RFX3: variants seen among roughly 807,000 people sequenced by gnomAD.
RFX3 encodes the protein regulatory factor X3, also known as transcription factor RFX3.
RFX3 carries 14 observed loss-of-function variants against 98.6 expected under a neutral mutation model. The observed-to-expected ratio is 0.14, with a 90% confidence interval of 0.09 to 0.22. The LOEUF is 0.22. Among genes scored for constraint, RFX3 ranks in the 10% least tolerant of loss-of-function variants. RFX3 has a pLI of 1.00. For synonymous variants in RFX3, 383 were observed against 328.4 expected (o/e 1.17, Z -1.80); for missense variants, 639 against 926.9 (o/e 0.69, Z 4.03).
intron 15 of RFX3, among the ~76,000 whole-genome samples, chr9:3,241,745 G>C (rs1016852823): frequency 1.3e-5 from 2 of 152,212 alleles, no homozygotes; most frequent in Non-Finnish European, 2.9e-5. Flanking sequence ...CAGGATGGGT[G>C]TACAGGAGCT....
At chr9:3,426,484 G>A (rs1844044219) in intron 1 of RFX3, among the ~76,000 whole-genome samples, 1 of 152,122 alleles carries the variant, frequency 6.6e-6, no homozygotes, top group Admixed American at 6.5e-5. Context: ...TCCATGGACT[G>A]TTAGGAAACA....
chr9:3,367,751 A>T (rs193290709), intron 2 of RFX3, among the ~76,000 whole-genome samples: 74 of 152,334 alleles, frequency 4.9e-4, no homozygotes, highest in African/African-American at 1.7e-3. Flanking sequence ...CTAAATCCTT[A>T]ATTTCCTGCT....
chr9:3,340,578 C>T (rs1350279523), intron 3 of RFX3, among the ~76,000 whole-genome samples: 1 of 152,100 alleles, frequency 6.6e-6, no homozygotes, highest in Non-Finnish European at 1.5e-5. Flanking sequence ...ACAACCCCAT[C>T]AAAAAGTGGG....
chr9:3,475,032 T>C (rs1849107119), intron 1 of RFX3, among the ~76,000 whole-genome samples: 1 of 149,024 alleles, frequency 6.7e-6, no homozygotes, highest in South Asian at 2.1e-4. Context: ...CCAGGTGATC[T>C]AGGCTGCAGT....
At chr9:3,414,531 G>A (rs1587580028) in intron 1 of RFX3, among the ~76,000 whole-genome samples, 2 of 150,016 alleles carry the variant, frequency 1.3e-5, no homozygotes, top group African/African-American at 2.4e-5. Flanking sequence ...ATATGTGTGT[G>A]TGTGTATATA....
In RFX3 at chr9:3,395,413, G is replaced by C; in HGVS notation, c.117+59C>G. On this transcript the variant is annotated intron_variant, in intron 2 of 16. Transcript: ENST00000617270. ...TCAAATAATTTTTGGATACAGGTATGTTGGACAGCCAACATAATGAAAGTA... is the reference window on the plus strand; with the variant it reads ...TCAAATAATTTTTGGATACAGGTATCTTGGACAGCCAACATAATGAAAGTA... 5 of 1,591,586 alleles carry C rather than the reference G, an allele frequency of 3.1e-6. No individual in the cohort carries two copies. The South Asian group carries it at 5.5e-5, about 18-fold the overall frequency.
intron 16 of RFX3, among the ~76,000 whole-genome samples, chr9:3,228,641 T>C (rs554425079): frequency 1.3e-5 from 2 of 152,346 alleles, no homozygotes; most frequent in East Asian, 3.9e-4. Context: ...AATTCAGTTA[T>C]CTGCATTTAA....
At chr9:3,520,442 T>C (rs950856506) in intron 1 of RFX3, among the ~76,000 whole-genome samples, 1 of 152,204 alleles carries the variant, frequency 6.6e-6, no homozygotes, top group African/African-American at 2.4e-5. Flanking sequence ...TTTTAGAGTA[T>C]ATATTGCTGT....
At chr9:3,386,890 A>T (rs2131799024) in intron 2 of RFX3, among the ~76,000 whole-genome samples, 1 of 152,276 alleles carries the variant, frequency 6.6e-6, no homozygotes, top group East Asian at 1.9e-4. Context: ...AAGAAAATGA[A>T]AATGCTAGGG....
rs571726579 is a variant in RFX3, at chr9:3,427,831, G to A, written c.-8-32235C>T. 3.9e-5 allele frequency among the ~76,000 whole-genome samples: 6 copies of A among 152,134 alleles called. No individual in the cohort carries two copies. In the East Asian group the frequency reaches 1.2e-3, roughly 29 times the overall value. On this transcript the variant is annotated intron_variant, in intron 1 of 16. Transcript: ENST00000617270. ...TTCATCACTCAGCCATGACTTGAAG[G>A]GAACCCATATTCAGAATTCTGGATC...
At chr9:3,478,770 G>A (rs1458909575) in intron 1 of RFX3, among the ~76,000 whole-genome samples, 3 of 152,136 alleles carry the variant, frequency 2.0e-5, no homozygotes, top group Admixed American at 1.3e-4. Context: ...GTTCCCTATA[G>A]TTGGCTAGTT....
chr9:3,387,881 T>C (rs1839894165), intron 2 of RFX3, among the ~76,000 whole-genome samples: 1 of 152,042 alleles, frequency 6.6e-6, no homozygotes. Flanking sequence ...AAAGCAAACC[T>C]CTTGACCCTG....
intron 1 of RFX3, among the ~76,000 whole-genome samples, chr9:3,413,212 T>G (rs1240271408): frequency 6.6e-6 from 1 of 151,986 alleles, no homozygotes; most frequent in Non-Finnish European, 1.5e-5. Flanking sequence ...CATCAGCATC[T>G]TCCTAAGAAA....
At chr9:3,401,990 T>C (rs12347811) in intron 1 of RFX3, among the ~76,000 whole-genome samples, 26,960 of 152,214 alleles carry the variant, frequency 0.18, 3,804 homozygotes, top group African/African-American at 0.39. Flanking sequence ...ACATGCATTA[T>C]TGCAAGTTTT....
intron 1 of RFX3, among the ~76,000 whole-genome samples, chr9:3,428,395 C>T (rs1407764347): frequency 3.3e-5 from 5 of 152,124 alleles, no homozygotes; most frequent in Admixed American, 2.0e-4. Flanking sequence ...TGATGGAACA[C>T]TTTGAAAGTA....
At chr9:3,520,071 C>T (rs746503478) in intron 1 of RFX3, among the ~76,000 whole-genome samples, 4 of 152,166 alleles carry the variant, frequency 2.6e-5, no homozygotes, top group Non-Finnish European at 4.4e-5. Flanking sequence ...GACTATGCCA[C>T]TGCACTCCAG....
At chr9:3,435,630 T>G (rs1031357992) in intron 1 of RFX3, among the ~76,000 whole-genome samples, 6 of 151,936 alleles carry the variant, frequency 3.9e-5, no homozygotes, top group African/African-American at 1.4e-4. Flanking sequence ...TTTACTCTGC[T>G]AGAATGTTAC....
intron 4 of RFX3, among the ~76,000 whole-genome samples, chr9:3,306,113 T>A (rs1009944920): frequency 6.6e-6 from 1 of 152,116 alleles, no homozygotes. Flanking sequence ...TAGGAAATGA[T>A]GATCAGTTAA....
At chr9:3,492,455 C>T (rs1047439612) in intron 1 of RFX3, among the ~76,000 whole-genome samples, 2 of 152,228 alleles carry the variant, frequency 1.3e-5, no homozygotes, top group African/African-American at 4.8e-5. Flanking sequence ...GAAGTCTGCA[C>T]AGCCCAGGGC....
Sources: gnomAD v4.1 joint callset for allele counts (sites outside exome capture counted in the v4.1 genomes callset) on GRCh38, gnomAD v4.1.1 for gene constraint, MANE v1.5 for transcripts, NCBI Gene and HGNC (gene_info 2026-07-23, HGNC 2026-07-21) for gene names.